Variants in DNAI4 observed in about 807,000 individuals in gnomAD.
DNAI4 encodes dynein axonemal intermediate chain 4.
DNAI4 carries 85 observed loss-of-function variants against 105.8 expected under a neutral mutation model. The ratio of observed to expected loss-of-function variants is 0.80; its 90% CI spans 0.67 to 0.96. The LOEUF is 0.96. DNAI4 is among the 40% of genes least tolerant of loss of function. The probability of loss-of-function intolerance (pLI) is 0.00; values close to 1 mark genes in which losing one functional copy is unlikely to be tolerated. For missense variants in DNAI4, 1,014 were observed against 1,005.6 expected, an observed-to-expected ratio of 1.01 and a Z score of -0.11; for synonymous variants, 352 against 331.5, an observed-to-expected ratio of 1.06 and a Z score of -0.67.
chr1:66,830,717 G>T (rs796523912), intron 13 of DNAI4, among the ~76,000 whole-genome samples: 4 of 151,462 alleles, frequency 2.6e-5, no homozygotes, highest in African/African-American at 9.7e-5. Flanking sequence ...GGAGGCGGAG[G>T]TTGCAGTGAG....
At chr1:66,871,316 C>A in intron 6 of DNAI4, 54 bp downstream of exon 6, 1 of 1,495,758 alleles carries the variant, frequency 6.7e-7, no homozygotes, top group South Asian at 1.3e-5. Flanking sequence ...TTGACAGACT[C>A]AAAAAATGTA....
intron 1 of DNAI4, among the ~76,000 whole-genome samples, chr1:66,923,029 G>T (rs1403249894): frequency 6.6e-6 from 1 of 152,114 alleles, no homozygotes; most frequent in East Asian, 1.9e-4. Flanking sequence ...ATGGTGATCT[G>T]GTAGCAGAGC....
At chr1:66,842,572 T>C (rs1646173329) in intron 8 of DNAI4, among the ~76,000 whole-genome samples, 1 of 152,058 alleles carries the variant, frequency 6.6e-6, no homozygotes, top group African/African-American at 2.4e-5. Context: ...TTTGTATTTT[T>C]AGTAAGTAGA....
intron 4 of DNAI4, among the ~76,000 whole-genome samples, chr1:66,883,855 A>T (rs1276336753): frequency 3.9e-5 from 6 of 152,166 alleles, no homozygotes; most frequent in African/African-American, 1.4e-4. Context: ...AAAATATTTG[A>T]AATTTCTCTT....
intron 7 of DNAI4, among the ~76,000 whole-genome samples, chr1:66,854,174 T>C (rs1315448330): frequency 1.3e-5 from 2 of 152,196 alleles, no homozygotes; most frequent in Non-Finnish European, 2.9e-5. Flanking sequence ...GGAGGATTAG[T>C]TGACCTCAGG....
chr1:66,909,573 CTCTTT>C (rs970945983), intron 1 of DNAI4, among the ~76,000 whole-genome samples: 10 of 151,440 alleles, frequency 6.6e-5, no homozygotes, highest in African/African-American at 2.4e-4. Context: ...CCTTGCACTT[CTCTTT>C]TCTATTTACA....
intron 10 of DNAI4, among the ~76,000 whole-genome samples, chr1:66,836,270 A>AAGAAAGAAAGAGAGAGAG (rs1646013241): frequency 1.4e-5 from 1 of 69,750 alleles, no homozygotes; most frequent in African/African-American, 5.5e-5. Flanking sequence ...GAAAGAAAGA[A>AAGAAAGAAAGAGAGAGAG]AGAAAGAAAG....
intron 6 of DNAI4, among the ~76,000 whole-genome samples, chr1:66,870,531 G>A (rs988392474): frequency 2.7e-5 from 4 of 150,476 alleles, no homozygotes; most frequent in Non-Finnish European, 5.9e-5. Flanking sequence ...TGGGCGGATC[G>A]CCTGAGTTCA....
At chr1:66,875,200 A>T (rs186424964) in intron 4 of DNAI4, among the ~76,000 whole-genome samples, 1 of 152,158 alleles carries the variant, frequency 6.6e-6, no homozygotes, top group East Asian at 1.9e-4. Flanking sequence ...GTATTCCATT[A>T]TAACTATCCC....
chr1:66,835,934 T>C (rs1306052132), intron 10 of DNAI4, among the ~76,000 whole-genome samples, 157 bp from the exon 11 acceptor site: 1 of 151,734 alleles, frequency 6.6e-6, no homozygotes, highest in African/African-American at 2.4e-5. Context: ...GTATAGAAAA[T>C]AATAAAACCT....
intron 10 of DNAI4, among the ~76,000 whole-genome samples, chr1:66,836,204 GAAA>G (rs1557908261): frequency 2.5e-5 from 1 of 39,322 alleles, no homozygotes; most frequent in Non-Finnish European, 6.1e-5. Context: ...AAGAAAGAAA[GAAA>G]GAGAGAGAGA....
intron 1 of DNAI4, 100 bp downstream of exon 1, chr1:66,924,562 G>A: frequency 6.5e-7 from 1 of 1,530,650 alleles, no homozygotes; most frequent in South Asian, 1.1e-5. Context: ...ACCCAGTTAG[G>A]GTAGGGCCCC....
At chr1:66,827,167 A>G (rs954546348) in intron 14 of DNAI4, 121 bp from the exon 15 acceptor site, 98 of 802,416 alleles carry the variant, frequency 1.2e-4, no homozygotes, top group Middle Eastern at 1.1e-3. Flanking sequence ...TTGTGTGGGC[A>G]TTATTTTAGT....
intron 1 of DNAI4, among the ~76,000 whole-genome samples, chr1:66,908,415 C>T (rs1649414919): frequency 6.6e-6 from 1 of 152,164 alleles, no homozygotes; most frequent in African/African-American, 2.4e-5. Context: ...CTGTCCTAAT[C>T]ACCCCATGGC....
chr1:66,830,802 T>A (rs1298732741), intron 13 of DNAI4, among the ~76,000 whole-genome samples: 2 of 148,564 alleles, frequency 1.3e-5, no homozygotes, highest in Non-Finnish European at 3.0e-5. Flanking sequence ...AATAAATAAA[T>A]AAAATAAAAT....
chr1:66,829,558 T>A (rs1645825794), intron 13 of DNAI4, among the ~76,000 whole-genome samples: 1 of 152,046 alleles, frequency 6.6e-6, no homozygotes, highest in Non-Finnish European at 1.5e-5. Context: ...TAAGAAAGCA[T>A]CAAGATACAC....
intron 8 of DNAI4, among the ~76,000 whole-genome samples, chr1:66,844,665 A>C (rs570835964): frequency 6.6e-6 from 1 of 152,268 alleles, no homozygotes; most frequent in Non-Finnish European, 1.5e-5. Context: ...AGAAGTACAA[A>C]TTTGCAAACT....
At chr1:66,848,358 G>T (rs1271423371) in intron 7 of DNAI4, 1 of 424,238 alleles carries the variant, frequency 2.4e-6, no homozygotes, top group East Asian at 7.0e-5. Flanking sequence ...ATTAGACTGG[G>T]CCCAATAAGA....
intron 2 of DNAI4, among the ~76,000 whole-genome samples, chr1:66,893,969 G>A (rs896954633): frequency 2.6e-5 from 4 of 152,132 alleles, no homozygotes; most frequent in South Asian, 2.1e-4. Flanking sequence ...GGTGATGCTC[G>A]TATAAACAAA....
Sources: allele counts gnomAD v4.1 joint callset (sites outside exome capture counted in the v4.1 genomes callset), GRCh38; gene constraint gnomAD v4.1.1; transcripts MANE v1.5; gene names NCBI Gene and HGNC (gene_info 2026-07-23, HGNC 2026-07-21).